The following NRXN3 variants were observed in gnomAD, a reference collection of about 807,000 sequenced individuals.
NRXN3 encodes neurexin 3, also known as neurexin III.
A neutral mutation model predicts 137.6 loss-of-function variants in NRXN3; 32 were observed. That is an observed-to-expected ratio of 0.23 (90% CI 0.18 to 0.31). The LOEUF (loss-of-function observed/expected upper bound fraction) is 0.31, where lower values mean the gene tolerates loss of function less well. Among genes scored for constraint, NRXN3 ranks in the 10% least tolerant of loss-of-function variants. The probability of loss-of-function intolerance (pLI) is 1.00; values close to 1 mark genes in which losing one functional copy is unlikely to be tolerated. For missense variants in NRXN3, 1,574 were observed against 2,062.5 expected (o/e 0.76, Z 4.59); for synonymous variants, 798 against 784.5 (o/e 1.02, Z -0.29).
chr14:78,902,523 G>A (rs2099199982), intron 10 of NRXN3, among the ~76,000 whole-genome samples: 1 of 152,024 alleles, frequency 6.6e-6, no homozygotes, highest in Admixed American at 6.6e-5. Flanking sequence ...AAAAGCAGAG[G>A]AGGAATAAAA....
intron 10 of NRXN3, among the ~76,000 whole-genome samples, chr14:78,886,994 G>C (rs1015653325): frequency 1.1e-4 from 16 of 152,130 alleles, no homozygotes; most frequent in African/African-American, 3.6e-4. Flanking sequence ...AGAGTTTCAA[G>C]AGTTTTCCTG....
chr14:79,167,561 A>C (rs1288349967), intron 15 of NRXN3, among the ~76,000 whole-genome samples: 1 of 151,744 alleles, frequency 6.6e-6, no homozygotes, highest in South Asian at 2.1e-4. Context: ...ATTCTTTCTT[A>C]TCTGTTCTGC....
At chr14:78,326,247 A>G (rs1341874591) in intron 4 of NRXN3, among the ~76,000 whole-genome samples, 1 of 152,146 alleles carries the variant, frequency 6.6e-6, no homozygotes, top group Non-Finnish European at 1.5e-5. Context: ...CTATAGAATG[A>G]TATCTGTGGC....
intron 8 of NRXN3, among the ~76,000 whole-genome samples, chr14:78,737,852 C>A (rs2152920305): frequency 6.6e-6 from 1 of 152,124 alleles, no homozygotes; most frequent in African/African-American, 2.4e-5. Context: ...TGGCAGTGAC[C>A]TGGGTATAGT....
intron 10 of NRXN3, among the ~76,000 whole-genome samples, chr14:78,840,829 A>C: frequency 6.6e-6 from 1 of 152,328 alleles, no homozygotes; most frequent in Admixed American, 6.5e-5. Context: ...CAAATTTAGT[A>C]ATTATTCTAG....
intron 15 of NRXN3, among the ~76,000 whole-genome samples, chr14:79,029,272 G>A (rs1398742306): frequency 6.6e-6 from 1 of 152,120 alleles, no homozygotes; most frequent in East Asian, 1.9e-4. Context: ...TTTGTAGCCA[G>A]TGTAACCATA....
At position 79,101,075 on chromosome 14, in the gene NRXN3, T is replaced by C. The variant is rs556186527; in HGVS notation, c.3262+112934T>C. Among the ~76,000 whole-genome samples the C allele has an allele frequency of 1.4e-3, 213 of 152,304 alleles. 1 individual carries two copies. Among genetic ancestry groups the C allele is most frequent in the African/African-American group, 4.4e-3 (182 of 41,578 alleles). On this transcript the variant is annotated intron_variant, in intron 15 of 20. Transcript: ENST00000335750. Reference sequence around the variant, plus strand: ...AAGCAAACTTAACACTTTGGCAGAATGTAATGTATCTGACTTTCTAAAATT... The same window carrying C: ...AAGCAAACTTAACACTTTGGCAGAACGTAATGTATCTGACTTTCTAAAATT...
At chr14:78,658,313 G>T (rs956628449) in intron 6 of NRXN3, among the ~76,000 whole-genome samples, 13 of 152,190 alleles carry the variant, frequency 8.5e-5, no homozygotes, top group African/African-American at 3.1e-4. Context: ...CTGAGCCTCG[G>T]TTTCTTCATC....
At chr14:78,668,926 A>ATCTATCTC (rs1555428790) in intron 6 of NRXN3, among the ~76,000 whole-genome samples, 1 of 146,784 alleles carries the variant, frequency 6.8e-6, no homozygotes, top group Non-Finnish European at 1.5e-5. Context: ...AACTCTATCT[A>ATCTATCTC]TCTATCTGTC....
Position 79,693,111 on chromosome 14 carries a change from T to C in NRXN3, c.3706+849T>C, listed in dbSNP as rs139994774. 5.9e-3 allele frequency among the ~76,000 whole-genome samples: 892 copies of C among 152,108 alleles called. 37 individuals carry two copies. The highest frequency in any genetic ancestry group is 1.2e-3 in the Non-Finnish European group (81 of 67,960). ...TGTTAGAATTTTCCTGTATAGCTTCTAGCTGTTAGAAAATAAACCATTGTT... is the reference window on the plus strand; with the variant it reads ...TGTTAGAATTTTCCTGTATAGCTTCCAGCTGTTAGAAAATAAACCATTGTT... On this transcript the variant is annotated intron_variant, in intron 18 of 20. Transcript: ENST00000335750.
At chr14:79,497,179 G>A (rs953490047) in intron 16 of NRXN3, among the ~76,000 whole-genome samples, 1 of 152,170 alleles carries the variant, frequency 6.6e-6, no homozygotes, top group African/African-American at 2.4e-5. Context: ...GGACCAAGAA[G>A]AGGTACAATT....
At chr14:78,973,730 T>A (rs2099453047) in intron 14 of NRXN3, among the ~76,000 whole-genome samples, 1 of 152,186 alleles carries the variant, frequency 6.6e-6, no homozygotes, top group South Asian at 2.1e-4. Context: ...TGCTGCTATG[T>A]CTCAGAATAA....
intron 10 of NRXN3, among the ~76,000 whole-genome samples, chr14:78,865,310 T>C (rs2099083929): frequency 6.6e-6 from 1 of 152,232 alleles, no homozygotes; most frequent in Non-Finnish European, 1.5e-5. Flanking sequence ...GTGGTTGAAA[T>C]TCTGCAGGCA....
intron 15 of NRXN3, among the ~76,000 whole-genome samples, chr14:79,463,687 C>T (rs1366940420): frequency 6.6e-6 from 1 of 152,050 alleles, no homozygotes; most frequent in East Asian, 1.9e-4. Context: ...TTGAATTGGT[C>T]AGTTTTTGCC....
At chr14:79,561,160 T>C (rs2097492344) in intron 16 of NRXN3, among the ~76,000 whole-genome samples, 1 of 152,208 alleles carries the variant, frequency 6.6e-6, no homozygotes, top group Non-Finnish European at 1.5e-5. Flanking sequence ...AGAAGCAGGT[T>C]GGCCTGGGCT....
intron 15 of NRXN3, among the ~76,000 whole-genome samples, chr14:79,227,387 G>C (rs1470588822): frequency 6.6e-6 from 1 of 151,930 alleles, no homozygotes; most frequent in East Asian, 1.9e-4. Context: ...TCCCTACATG[G>C]TGTTTTCTTA....
At chr14:78,923,386 C>T (rs61388877) in intron 10 of NRXN3, among the ~76,000 whole-genome samples, 10,620 of 152,218 alleles carry the variant, frequency 0.07, 974 homozygotes, top group East Asian at 0.37. Flanking sequence ...CTAAACATAA[C>T]AGCATAGAAA....
intron 15 of NRXN3, among the ~76,000 whole-genome samples, chr14:79,014,211 A>G (rs1183912092): frequency 6.6e-6 from 1 of 152,176 alleles, no homozygotes; most frequent in Non-Finnish European, 1.5e-5. Flanking sequence ...TGTTAGCCAG[A>G]TAATAAACAT....
intron 16 of NRXN3, among the ~76,000 whole-genome samples, chr14:79,564,489 A>G (rs2097529836): frequency 6.6e-6 from 1 of 152,162 alleles, no homozygotes; most frequent in Non-Finnish European, 1.5e-5. Flanking sequence ...TGCTAAATAT[A>G]ATAAAAAGTA....
Sources: allele counts gnomAD v4.1 joint callset (sites outside exome capture counted in the v4.1 genomes callset), GRCh38; gene constraint gnomAD v4.1.1; transcripts MANE v1.5; gene names NCBI Gene and HGNC (gene_info 2026-07-23, HGNC 2026-07-21).